Variants in CCDC85A observed in about 807,000 individuals in gnomAD.
The protein encoded by CCDC85A is coiled-coil domain containing 85A, also known as coiled-coil domain-containing protein 85A.
A neutral mutation model predicts 50.2 loss-of-function variants in CCDC85A; 38 were observed. The observed-to-expected ratio is 0.76, with a 90% CI of 0.58 to 0.99. The LOEUF is 0.99. Ranked by LOEUF, CCDC85A falls within the 50% of genes least tolerant of loss-of-function variation. The pLI, the probability that CCDC85A is intolerant of heterozygous loss-of-function variation, is 0.00. For synonymous variants in CCDC85A, 366 were observed against 301.4 expected (o/e 1.21, Z -2.22); for missense variants, 820 against 742.0 (o/e 1.11, Z -1.22).
In CCDC85A at chr2:56,307,337, T is replaced by TAA. The variant is rs11464453; in HGVS notation, c.1241-35534_1241-35533dup. ...CAGAAATTATCATATATGCTTTTTT[T>TAA]AAAAAAAAACTGTGTTCAAGTCCCA... On this transcript the variant is annotated intron_variant, in intron 2 of 5. Transcript: ENST00000407595. 4.0e-5 allele frequency among the ~76,000 whole-genome samples: 6 copies of TAA among 151,588 alleles called. No homozygotes were observed. In the East Asian group the frequency reaches 1.2e-3, roughly 29 times the overall value.
chr2:56,346,763 C>T (rs750813394), intron 3 of CCDC85A, among the ~76,000 whole-genome samples: 2 of 152,110 alleles, frequency 1.3e-5, no homozygotes, highest in African/African-American at 4.8e-5. Context: ...GATATTCTTC[C>T]GAGCACATGA....
chr2:56,369,813 C>T (rs558599391), intron 3 of CCDC85A, among the ~76,000 whole-genome samples: 2 of 152,196 alleles, frequency 1.3e-5, no homozygotes, highest in South Asian at 2.1e-4. Context: ...TTCCTCCTCA[C>T]AAATTTTTGA....
At chr2:56,311,589 G>A (rs935010699) in intron 2 of CCDC85A, among the ~76,000 whole-genome samples, 10 of 152,006 alleles carry the variant, frequency 6.6e-5, no homozygotes, top group Admixed American at 1.3e-4. Context: ...TTTAGCATTA[G>A]GTATATCTCC....
At chr2:56,201,672 C>A (rs1676753511) in intron 2 of CCDC85A, among the ~76,000 whole-genome samples, 2 of 151,350 alleles carry the variant, frequency 1.3e-5, no homozygotes, top group African/African-American at 4.9e-5. Context: ...AGAAAGAAAC[C>A]CAATTGGTAG....
chr2:56,283,404 G>A (rs1671292983), intron 2 of CCDC85A, among the ~76,000 whole-genome samples: 1 of 152,066 alleles, frequency 6.6e-6, no homozygotes, highest in Admixed American at 6.6e-5. Context: ...ACACTAAAAT[G>A]TGTTACACTG....
intron 2 of CCDC85A, among the ~76,000 whole-genome samples, chr2:56,317,818 A>G (rs758477754): frequency 1.1e-4 from 16 of 152,044 alleles, no homozygotes; most frequent in Non-Finnish European, 2.2e-4. Context: ...CATTTTCTCT[A>G]TCCACACCAC....
chr2:56,353,982 A>G (rs1175900542), intron 3 of CCDC85A, among the ~76,000 whole-genome samples: 1 of 152,182 alleles, frequency 6.6e-6, no homozygotes, highest in Non-Finnish European at 1.5e-5. Context: ...TTCTCACCTG[A>G]GTTCATGAAC....
At chr2:56,208,388 T>C (rs1357976812) in intron 2 of CCDC85A, among the ~76,000 whole-genome samples, 1 of 152,176 alleles carries the variant, frequency 6.6e-6, no homozygotes, top group African/African-American at 2.4e-5. Flanking sequence ...CATCCAGATA[T>C]ACACATCAAC....
chr2:56,240,327 C>A (rs1669199956), intron 2 of CCDC85A, among the ~76,000 whole-genome samples: 1 of 152,120 alleles, frequency 6.6e-6, no homozygotes, highest in African/African-American at 2.4e-5. Flanking sequence ...TAGGGTATAA[C>A]CGAGTAACTA....
At chr2:56,318,221 G>C (rs918479416) in intron 2 of CCDC85A, among the ~76,000 whole-genome samples, 2 of 151,970 alleles carry the variant, frequency 1.3e-5, no homozygotes, top group Admixed American at 6.6e-5. Flanking sequence ...ATACTTTGCT[G>C]TCCTTCCATC....
chr2:56,374,019 A>G (rs966106323), intron 4 of CCDC85A, among the ~76,000 whole-genome samples: 10 of 152,206 alleles, frequency 6.6e-5, no homozygotes. Flanking sequence ...CATTAGATGT[A>G]TTAGGCATTA....
At chr2:56,235,958 G>A (rs928708337) in intron 2 of CCDC85A, among the ~76,000 whole-genome samples, 1 of 152,124 alleles carries the variant, frequency 6.6e-6, no homozygotes, top group East Asian at 1.9e-4. Context: ...GTACATTCCT[G>A]CTGGAGGGAA....
At chr2:56,347,405 C>T (rs922919780) in intron 3 of CCDC85A, among the ~76,000 whole-genome samples, 1 of 152,170 alleles carries the variant, frequency 6.6e-6, no homozygotes, top group African/African-American at 2.4e-5. Flanking sequence ...CTATTTTTAT[C>T]TTATTGACAA....
At chr2:56,235,897 A>G (rs1668991916) in intron 2 of CCDC85A, among the ~76,000 whole-genome samples, 1 of 152,186 alleles carries the variant, frequency 6.6e-6, no homozygotes, top group Admixed American at 6.5e-5. Context: ...CTTTCAGGCT[A>G]AGAGAATTCC....
intron 2 of CCDC85A, among the ~76,000 whole-genome samples, chr2:56,329,303 G>C (rs1226715487): frequency 6.6e-6 from 1 of 152,060 alleles, no homozygotes; most frequent in Non-Finnish European, 1.5e-5. Flanking sequence ...CTAAAGTGGT[G>C]TGGTGGGACA....
chr2:56,187,241 A>G (rs995097665), intron 1 of CCDC85A, among the ~76,000 whole-genome samples: 1 of 152,192 alleles, frequency 6.6e-6, no homozygotes, highest in Non-Finnish European at 1.5e-5. Context: ...TGGCATTCTC[A>G]GTTGAGAACT....
Position 56,384,460 on chromosome 2 carries a change from C to T in CCDC85A, c.*105C>T. 1.1e-6 allele frequency: 1 copy of T among 917,564 alleles called. No individual in the cohort carries two copies. The highest frequency in any genetic ancestry group is 1.7e-6 in the Non-Finnish European group (1 of 575,554). The allele number at this position is 917,564 out of a possible 1,614,324, so 56.8% of individuals were successfully genotyped here. A position where few individuals can be genotyped will look rare whatever the true frequency, so the allele number is the denominator to read the frequency against. On this transcript the variant is annotated 3_prime_UTR_variant, in exon 6 of 6. Coordinates refer to ENST00000407595, the MANE Select transcript of CCDC85A (RefSeq NM_001080433.2). ...CCACAAACCTGGACTCATGGAATAA[C>T]ATGGAGTGATTGTACATTGCACATA... is the stretch of plus-strand genomic sequence containing the variant.
intron 2 of CCDC85A, among the ~76,000 whole-genome samples, chr2:56,326,193 G>A (rs949090162): frequency 1.3e-5 from 2 of 152,098 alleles, no homozygotes; most frequent in African/African-American, 4.8e-5. Flanking sequence ...TCCAGAAATT[G>A]CAGCCTACGT....
chr2:56,254,570 C>T (rs921879051), intron 2 of CCDC85A, among the ~76,000 whole-genome samples: 14 of 152,182 alleles, frequency 9.2e-5, no homozygotes, highest in African/African-American at 2.6e-4. Flanking sequence ...TCTTACTTTC[C>T]GCTGTTCTAG....
Sources: allele counts gnomAD v4.1 joint callset (sites outside exome capture counted in the v4.1 genomes callset), GRCh38; gene constraint gnomAD v4.1.1; transcripts MANE v1.5; gene names NCBI Gene and HGNC (gene_info 2026-07-23, HGNC 2026-07-21).